AKAP8L: variants seen among roughly 807,000 people sequenced by gnomAD.
AKAP8L encodes A-kinase anchoring protein 8 like.
AKAP8L carries 34 observed loss-of-function variants against 77.5 expected under a neutral mutation model. The observed-to-expected ratio is 0.44, with a 90% CI of 0.33 to 0.58. The LOEUF is 0.58. AKAP8L is among the 20% of genes least tolerant of loss of function. AKAP8L has a pLI of 0.02. For missense variants in AKAP8L, 806 were observed against 887.6 expected, an observed-to-expected ratio of 0.91 and a Z score of 1.17; for synonymous variants, 342 against 340.7, an observed-to-expected ratio of 1.00 and a Z score of -0.04.
Position 15,397,327 on chromosome 19 carries a change from T to C in AKAP8L, c.1406-47A>G, listed in dbSNP as rs200514251. On this transcript the variant is annotated intron_variant, in intron 11 of 13. Transcript: ENST00000397410. This position sits in a 1 kb window ranked among gnomAD's most constrained non-coding sequence, Gnocchi z 4.7. Reference sequence around the variant, plus strand: ...CACCACTGGGCCCAGGTGCCTAAGATAGACCCAGGTGTTCGAGAAAAAAAC... The same window carrying C: ...CACCACTGGGCCCAGGTGCCTAAGACAGACCCAGGTGTTCGAGAAAAAAAC... The C allele has an allele frequency of 1.0e-4, 162 of 1,607,394 alleles. No individual in the cohort carries two copies. The African/African-American group carries it at 1.7e-3, about 17-fold the overall frequency.
chr19:15,381,703 T>C (rs1967422283), intron 12 of AKAP8L, among the ~76,000 whole-genome samples: 1 of 152,024 alleles, frequency 6.6e-6, no homozygotes, highest in African/African-American at 2.4e-5. Context: ...AAACTAAAGA[T>C]ACACAATTAG....
chr19:15,418,861 T>A lies in AKAP8L; in HGVS notation c.13+50A>T, dbSNP rs774839161. 5 of 1,571,812 alleles carry A rather than the reference T, an allele frequency of 3.2e-6. No individual in the cohort carries two copies. In the African/African-American group the frequency reaches 6.7e-5, roughly 21 times the overall value. On this transcript the variant is annotated intron_variant, in intron 1 of 13. Coordinates refer to ENST00000397410, the MANE Select transcript of AKAP8L (RefSeq NM_014371.4). ...GCAAGCCTGGTGCGGCATCCGCACGTCCCTGTCCCATCCCCCACGCAGAGC... is the reference window on the plus strand; with the variant it reads ...GCAAGCCTGGTGCGGCATCCGCACGACCCTGTCCCATCCCCCACGCAGAGC...
intron 1 of AKAP8L, among the ~76,000 whole-genome samples, chr19:15,416,585 T>C (rs1968211727): frequency 6.6e-6 from 1 of 152,224 alleles, no homozygotes; most frequent in African/African-American, 2.4e-5. Flanking sequence ...AGATCCTAAA[T>C]GTAACCTCAT....
chr19:15,412,687 G>A lies in AKAP8L; in HGVS notation c.14-2093C>T, dbSNP rs995971505. 4.6e-5 allele frequency among the ~76,000 whole-genome samples: 7 copies of A among 152,228 alleles called. No individual in the cohort carries two copies. In the East Asian group the frequency reaches 7.7e-4, roughly 17 times the overall value. On this transcript the variant is annotated intron_variant, in intron 1 of 13. Transcript: ENST00000397410. ...CTTCTGAGTAGCTGGGACTACAGGC[G>A]CGTGCCACCATGTCCGGCTGATTTT...
intron 12 of AKAP8L, among the ~76,000 whole-genome samples, chr19:15,393,644 G>C (rs1394587727): frequency 1.3e-5 from 2 of 152,116 alleles, no homozygotes; most frequent in African/African-American, 4.8e-5. Context: ...GAAAATGCCG[G>C]GCGCGGTGGC....
At chr19:15,418,467 G>T (rs1425005398) in intron 1 of AKAP8L, among the ~76,000 whole-genome samples, 1 of 152,228 alleles carries the variant, frequency 6.6e-6, no homozygotes. Flanking sequence ...ATCGGGATGG[G>T]GGTGTAGAGC....
At chr19:15,388,708 G>A (rs1967592807) in intron 12 of AKAP8L, among the ~76,000 whole-genome samples, 1 of 151,988 alleles carries the variant, frequency 6.6e-6, no homozygotes, top group Admixed American at 6.6e-5. Flanking sequence ...GAGGTCAGGA[G>A]ATCGAGACCA....
chr19:15,386,922 G>A (rs1011408013), intron 12 of AKAP8L, among the ~76,000 whole-genome samples: 2 of 152,188 alleles, frequency 1.3e-5, no homozygotes, highest in Non-Finnish European at 2.9e-5. Context: ...GCCTCCCAAA[G>A]TGCTGGGATT....
At position 15,403,549 on chromosome 19, in the gene AKAP8L, G is replaced by T. The variant is rs1157841043; in HGVS notation, c.288C>A (p.Asn96Lys). Residue 96 changes from asparagine (N) to lysine (K), a missense_variant, in exon 4 of 14, where the codon AAC (asparagine) becomes AAA (lysine). Around this residue, in one of 2 missense-constraint regions of AKAP8L, gnomAD observed 580 missense variants for 694.1 expected, o/e 0.84. Transcript: ENST00000397410. The surrounding 1 kb of genome is among the most constrained non-coding windows in gnomAD (Gnocchi z 4.3). ...AATGCGGCACCATATCTAAGCGCTGGTTAATTCTGGATAAAACGGAATCGG... is the reference window on the plus strand; with the variant it reads ...AATGCGGCACCATATCTAAGCGCTGTTTAATTCTGGATAAAACGGAATCGG... ...ASADSVLSRINQRLDMVPHLE... is the reference protein window; with the variant it reads ...ASADSVLSRIKQRLDMVPHLE... 6.2e-7 allele frequency: 1 copy of T among 1,613,858 alleles called. No homozygotes were observed. Among genetic ancestry groups the T allele is most frequent in the Non-Finnish European group, 8.5e-7 (1 of 1,179,894 alleles).
At chr19:15,385,105 G>A (rs910835088) in intron 12 of AKAP8L, among the ~76,000 whole-genome samples, 2 of 152,060 alleles carry the variant, frequency 1.3e-5, no homozygotes, top group Non-Finnish European at 2.9e-5. Flanking sequence ...AGCCTCCCAA[G>A]TAGCTGGGAC....
At chr19:15,382,899 C>T (rs548845317) in intron 12 of AKAP8L, among the ~76,000 whole-genome samples, 4 of 152,280 alleles carry the variant, frequency 2.6e-5, no homozygotes, top group East Asian at 1.9e-4. Flanking sequence ...TTTCAGATGA[C>T]GGATGAACTC....
chr19:15,389,931 G>T (rs1056836355), intron 12 of AKAP8L, among the ~76,000 whole-genome samples: 1 of 151,620 alleles, frequency 6.6e-6, no homozygotes, highest in African/African-American at 2.4e-5. Context: ...GGTTAAAGCC[G>T]ACTTCTCAGC....
chr19:15,414,646 G>A (rs780894161), intron 1 of AKAP8L, among the ~76,000 whole-genome samples: 2 of 152,074 alleles, frequency 1.3e-5, no homozygotes, highest in East Asian at 3.9e-4. Context: ...CTGCCACCAC[G>A]CCTGGCTAAT....
In AKAP8L at chr19:15,397,159, C is replaced by T. The variant is rs45541735; in HGVS notation, c.1527G>A (p.Arg509=). 1.1e-3 allele frequency: 1,816 copies of T among 1,613,876 alleles called. 3 individuals are homozygous for T. The highest frequency in any genetic ancestry group is 1.5e-3 in the Non-Finnish European group (1,732 of 1,179,890). Residue 509 remains arginine (R), a synonymous_variant, in exon 12 of 14, where the codon CGG becomes CGA. Coordinates refer to ENST00000397410, the MANE Select transcript of AKAP8L (RefSeq NM_014371.4). The surrounding 1 kb of genome is among the most constrained non-coding windows in gnomAD (Gnocchi z 4.7). ...QKHLKTMDHN[R]NRRLMMEQSK... is the part of the protein sequence containing the mutation. Reference sequence around the variant, plus strand: ...CACTGTGGCCACTCACCCTGCGGTTCCGGTTGTGATCCATGGTCTTCAGAT... The same window carrying T: ...CACTGTGGCCACTCACCCTGCGGTTTCGGTTGTGATCCATGGTCTTCAGAT...
At chr19:15,386,462 T>A (rs572784388) in intron 12 of AKAP8L, among the ~76,000 whole-genome samples, 5 of 152,134 alleles carry the variant, frequency 3.3e-5, no homozygotes, top group Non-Finnish European at 5.9e-5. Flanking sequence ...AAAGATTTAA[T>A]GAGGAAAAGC....
chr19:15,397,004 G>T lies in AKAP8L; in HGVS notation c.1536+146C>A. ...CCCTCTCTCTGTAGCTGTGCTGCCTGCACTGAGCTGGAAATGTCCATATCC... is the reference window on the plus strand; with the variant it reads ...CCCTCTCTCTGTAGCTGTGCTGCCTTCACTGAGCTGGAAATGTCCATATCC... On this transcript the variant is annotated intron_variant, in intron 12 of 13. Coordinates refer to ENST00000397410, the MANE Select transcript of AKAP8L (RefSeq NM_014371.4). The surrounding 1 kb of genome is among the most constrained non-coding windows in gnomAD (Gnocchi z 4.7). 1.8e-6 allele frequency: 2 copies of T among 1,123,056 alleles called. No homozygotes were observed. The highest frequency in any genetic ancestry group is 2.4e-5 in the East Asian group (1 of 42,006). 69.6% of individuals were successfully genotyped at this position (1,123,056 alleles called of 1,614,324 possible). A position where few individuals can be genotyped will look rare whatever the true frequency, so the allele number is the denominator to read the frequency against.
rs1568269543 is a variant in AKAP8L, at chr19:15,401,851, G to A, written c.363-248C>T. 6.6e-6 allele frequency among the ~76,000 whole-genome samples: 1 copy of A among 152,212 alleles called. No homozygotes were observed. Among genetic ancestry groups the A allele is most frequent in the Non-Finnish European group, 1.5e-5 (1 of 68,028 alleles). ...AGAAGGACTGAAGGACTGATAACTG[G>A]GGTGGAGGCTCTAGTCCAGTGAGTC... On this transcript the variant is annotated intron_variant, in intron 4 of 13. Transcript: ENST00000397410. This position sits in a 1 kb window ranked among gnomAD's most constrained non-coding sequence, Gnocchi z 6.2.
chr19:15,403,859 C>T lies in AKAP8L; in HGVS notation c.122-144G>A, dbSNP rs1035984539. On this transcript the variant is annotated intron_variant, in intron 3 of 13. Transcript: ENST00000397410. The surrounding 1 kb of genome is among the most constrained non-coding windows in gnomAD (Gnocchi z 4.3). Reference sequence around the variant, plus strand: ...CCACTGAAGCTAGATGGGCCCTGGTCATTCTGATGAGGGCCTCCTGTTAAG... The same window carrying T: ...CCACTGAAGCTAGATGGGCCCTGGTTATTCTGATGAGGGCCTCCTGTTAAG... The T allele has an allele frequency of 9.3e-7, 1 of 1,079,046 alleles. No individual in the cohort carries two copies. Among genetic ancestry groups the T allele is most frequent in the African/African-American group, 1.6e-5 (1 of 63,446 alleles). 66.8% of individuals were successfully genotyped at this position (1,079,046 alleles called of 1,614,324 possible).
Position 15,401,627 on chromosome 19 carries a change from C to T in AKAP8L, c.363-24G>A, listed in dbSNP as rs1316575039. 2.6e-6 allele frequency: 4 copies of T among 1,523,880 alleles called. No individual in the cohort carries two copies. Among genetic ancestry groups the T allele is most frequent in the Non-Finnish European group, 3.5e-6 (4 of 1,131,744 alleles). 94.4% of individuals were successfully genotyped at this position (1,523,880 alleles called of 1,614,324 possible). ...ACCTGCAGAGGCATGGGGTGAGCAT[C>T]AGGTGGAGCCCCTCAGGATCCCTCA... is the stretch of plus-strand genomic sequence containing the variant. On this transcript the variant is annotated intron_variant, in intron 4 of 13. Transcript: ENST00000397410. This position sits in a 1 kb window ranked among gnomAD's most constrained non-coding sequence, Gnocchi z 6.2.
Sources: gnomAD v4.1 joint callset for allele counts (sites outside exome capture counted in the v4.1 genomes callset) on GRCh38, gnomAD v4.1.1 for gene constraint, gnomAD v4.1.1 regional missense constraint, Gnocchi (gnomAD v3.1) non-coding constraint, MANE v1.5 for transcripts, NCBI Gene and HGNC (gene_info 2026-07-23, HGNC 2026-07-21) for gene names.